The following ST8SIA6 variants were observed in gnomAD, a reference collection of about 807,000 sequenced individuals.
ST8SIA6 encodes ST8 alpha-N-acetyl-neuraminide alpha-2,8-sialyltransferase 6.
Under a neutral mutation model 33.6 loss-of-function variants are expected in ST8SIA6, and 39 were observed. The ratio of observed to expected loss-of-function variants is 1.16; its 90% confidence interval spans 0.90 to 1.52. The LOEUF (loss-of-function observed/expected upper bound fraction) is 1.52, where lower values mean the gene tolerates loss of function less well. Among genes scored for constraint, ST8SIA6 ranks in the 40% most tolerant of loss-of-function variants. The probability of loss-of-function intolerance (pLI) is 0.00; values close to 1 mark genes in which losing one functional copy is unlikely to be tolerated. For synonymous variants in ST8SIA6, 172 were observed against 167.2 expected (o/e 1.03, Z -0.22); for missense variants, 441 against 443.8 (o/e 0.99, Z 0.06).
At chr10:17,395,623 C>G (rs1299945732) in intron 2 of ST8SIA6, among the ~76,000 whole-genome samples, 1 of 152,172 alleles carries the variant, frequency 6.6e-6, no homozygotes, top group Non-Finnish European at 1.5e-5. Flanking sequence ...TGGCTAATGC[C>G]TGTAATCTGA....
intron 2 of ST8SIA6, among the ~76,000 whole-genome samples, chr10:17,425,067 A>G (rs768113385): frequency 6.6e-6 from 1 of 152,154 alleles, no homozygotes; most frequent in Admixed American, 6.5e-5. Flanking sequence ...AAATTGCTTC[A>G]TCTTACCACC....
intron 3 of ST8SIA6, among the ~76,000 whole-genome samples, chr10:17,381,302 TG>T (rs1273848933): frequency 6.6e-6 from 1 of 152,170 alleles, no homozygotes; most frequent in Non-Finnish European, 1.5e-5. Context: ...TACCTAGGGT[TG>T]TAAAACACAT....
rs1588943817 is a variant in ST8SIA6 at position 17,454,128 on chromosome 10, G to A, written c.101+27C>T. On this transcript the variant is annotated intron_variant, in intron 1 of 7. Coordinates refer to ENST00000377602, the MANE Select transcript of ST8SIA6 (RefSeq NM_001004470.3). This position sits in a 1 kb window ranked among gnomAD's most constrained non-coding sequence, Gnocchi z 4.1. ...GCGCCAGGCGGGGCGCGCGGCGCGG[G>A]GCGCGGCCGGCGGGTGGGTGGGTTA... 3.8e-6 allele frequency: 1 copy of A among 266,330 alleles called. No individual in the cohort carries two copies. The highest frequency in any genetic ancestry group is 7.0e-6 in the Non-Finnish European group (1 of 142,930). 16.5% of individuals were successfully genotyped at this position (266,330 alleles called of 1,614,324 possible).
intron 4 of ST8SIA6, among the ~76,000 whole-genome samples, chr10:17,338,620 A>G (rs1848578000): frequency 6.6e-6 from 1 of 152,246 alleles, no homozygotes. Context: ...CATACAATGT[A>G]CATATAAATG....
chr10:17,350,402 G>C (rs77975607), intron 4 of ST8SIA6, among the ~76,000 whole-genome samples: 1 of 152,162 alleles, frequency 6.6e-6, no homozygotes, highest in Middle Eastern at 3.2e-3. Flanking sequence ...CACCAAAGGA[G>C]TAGTTTATGT....
At position 17,320,778 on chromosome 10, in the gene ST8SIA6, C is replaced by T. The variant is rs111993746; in HGVS notation, c.*100G>A. On this transcript the variant is annotated 3_prime_UTR_variant, in exon 8 of 8. Coordinates refer to ENST00000377602, the MANE Select transcript of ST8SIA6 (RefSeq NM_001004470.3). ...TTTGGTCAAACCAAATTTTGGGGCT[C>T]ATCTCAAAATACTCTTTAGCCACCT... 8,102 of 1,288,542 alleles carry T rather than the reference C, an allele frequency of 6.3e-3. 41 individuals carry two copies. The highest frequency in any genetic ancestry group is 0.013 in the South Asian group (910 of 68,124). The allele number at this position is 1,288,542 out of a possible 1,614,324, so 79.8% of individuals were successfully genotyped here. A position where few individuals can be genotyped will look rare whatever the true frequency, so the allele number is the denominator to read the frequency against.
chr10:17,436,924 C>A (rs1852282408), intron 2 of ST8SIA6, among the ~76,000 whole-genome samples: 1 of 152,114 alleles, frequency 6.6e-6, no homozygotes, highest in Admixed American at 6.5e-5. Flanking sequence ...TGAGGCCTTT[C>A]CAGCCACGTG....
In ST8SIA6 at chr10:17,331,519, T is replaced by C. The variant is rs45579542; in HGVS notation, c.411A>G (p.Gln137=). The C allele has an allele frequency of 0.024, 39,476 of 1,612,694 alleles. 578 individuals carry two copies. The highest frequency in any genetic ancestry group is 0.036 in the Middle Eastern group (219 of 6,058). The change falls in exon 5 of 8, where the codon CAA becomes CAG. Residue 137 remains glutamine (Q), a synonymous_variant. Transcript: ENST00000377602. The part of the protein sequence containing the change: ...AKLASCCDAV[Q]NFVVSQNNTP... The stretch of plus-strand genomic sequence containing the variant: ...TGTTATTCTGAGAAACAACAAAGTT[T>C]TGAACAGCATCACAGCAGGAAGCAA...
At chr10:17,362,016 A>G (rs1278717995) in intron 3 of ST8SIA6, among the ~76,000 whole-genome samples, 1 of 152,180 alleles carries the variant, frequency 6.6e-6, no homozygotes, top group Non-Finnish European at 1.5e-5. Flanking sequence ...GATAAAGGAC[A>G]TTTGCAAAAA....
At chr10:17,386,458 G>A (rs1222477200) in intron 3 of ST8SIA6, among the ~76,000 whole-genome samples, 1 of 152,190 alleles carries the variant, frequency 6.6e-6, no homozygotes. Context: ...AGAATCACTT[G>A]AACCCGGGAG....
At chr10:17,425,717 A>AAGGAAGGAAGG (rs1184088939) in intron 2 of ST8SIA6, among the ~76,000 whole-genome samples, 117 of 138,268 alleles carry the variant, frequency 8.5e-4, no homozygotes, top group Non-Finnish European at 1.5e-3. Context: ...GAAGGAAGGG[A>AAGGAAGGAAGG]AGGAAGGAAG....
chr10:17,339,247 TAAC>T (rs1396751976), intron 4 of ST8SIA6, among the ~76,000 whole-genome samples: 1 of 152,180 alleles, frequency 6.6e-6, no homozygotes, highest in East Asian at 1.9e-4. Context: ...CATGAAGTGT[TAAC>T]AACTACTTAA....
intron 3 of ST8SIA6, among the ~76,000 whole-genome samples, chr10:17,385,334 C>T (rs1193684985): frequency 6.6e-6 from 1 of 152,208 alleles, no homozygotes; most frequent in Non-Finnish European, 1.5e-5. Flanking sequence ...TTGTCACCCC[C>T]TTTCCAGACT....
chr10:17,396,537 A>T (rs1455440082), intron 2 of ST8SIA6, among the ~76,000 whole-genome samples: 2 of 152,094 alleles, frequency 1.3e-5, no homozygotes, highest in Non-Finnish European at 2.9e-5. Context: ...TGGCCTGTAA[A>T]TACAAGCCAC....
At chr10:17,361,580 A>T (rs1203942868) in intron 3 of ST8SIA6, among the ~76,000 whole-genome samples, 1 of 151,672 alleles carries the variant, frequency 6.6e-6, no homozygotes, top group African/African-American at 2.4e-5. Context: ...GGAGAATTTT[A>T]TCAAACATTT....
rs761248119 is a variant in ST8SIA6, at chr10:17,323,141, T to C, written c.652A>G (p.Thr218Ala). The part of the protein sequence containing the change: ...DFVFRCNLPP[T>A]TGDVSKDVGS... Reference sequence around the variant, plus strand: ...ACATCTTTACTAACATCTCCTGTGGTTGGGGGTAGGTTACACCTGAAATTT... The same window carrying C: ...ACATCTTTACTAACATCTCCTGTGGCTGGGGGTAGGTTACACCTGAAATTT... Residue 218 changes from threonine (T) to alanine (A), a missense_variant, in exon 7 of 8, where the codon ACC becomes GCC. Transcript: ENST00000377602. 15 of 1,613,366 alleles carry C rather than the reference T, an allele frequency of 9.3e-6. No individual in the cohort carries two copies. Among genetic ancestry groups the C allele is most frequent in the African/African-American group, 2.7e-5 (2 of 74,852 alleles).
intron 2 of ST8SIA6, among the ~76,000 whole-genome samples, chr10:17,415,803 C>CTTTTTTTTTTT (rs968920842): frequency 1.1e-5 from 1 of 92,232 alleles, no homozygotes; most frequent in Non-Finnish European, 2.0e-5. Context: ...CCTCACTTGT[C>CTTTTTTTTTTT]TTTTTTTTTT....
intron 3 of ST8SIA6, among the ~76,000 whole-genome samples, chr10:17,381,062 A>C (rs193279961): frequency 6.6e-6 from 1 of 151,308 alleles, no homozygotes; most frequent in East Asian, 1.9e-4. Flanking sequence ...TCTCAGTTGA[A>C]CGAGTTCTGT....
At chr10:17,418,281 A>G (rs1438864817) in intron 2 of ST8SIA6, among the ~76,000 whole-genome samples, 2 of 151,798 alleles carry the variant, frequency 1.3e-5, no homozygotes, top group African/African-American at 4.8e-5. Context: ...GGCTGGTCTC[A>G]AGCTCCTGAG....
Sources: gnomAD v4.1 joint callset for allele counts (sites outside exome capture counted in the v4.1 genomes callset) on GRCh38, gnomAD v4.1.1 for gene constraint, Gnocchi (gnomAD v3.1) non-coding constraint, MANE v1.5 for transcripts, NCBI Gene and HGNC (gene_info 2026-07-23, HGNC 2026-07-21) for gene names.